Variants in HS3ST3A1 observed in about 807,000 individuals in gnomAD.
The protein encoded by HS3ST3A1 is heparan sulfate glucosamine 3-O-sulfotransferase 3A1.
Under a neutral mutation model 25.7 loss-of-function variants are expected in HS3ST3A1, and 19 were observed. That is an observed-to-expected ratio of 0.74 (90% CI 0.52 to 1.08). HS3ST3A1 has a LOEUF of 1.08. Ranked by LOEUF, HS3ST3A1 falls within the 50% of genes least tolerant of loss-of-function variation. The probability of loss-of-function intolerance (pLI) is 0.00; values close to 1 mark genes in which losing one functional copy is unlikely to be tolerated. For missense variants in HS3ST3A1, 459 were observed against 594.3 expected (o/e 0.77, Z 2.37); for synonymous variants, 226 against 278.6 (o/e 0.81, Z 1.88).
intron 1 of HS3ST3A1, among the ~76,000 whole-genome samples, chr17:13,573,010 G>A (rs1381079862): frequency 2.0e-5 from 3 of 152,170 alleles, no homozygotes; most frequent in Admixed American, 2.0e-4. Flanking sequence ...CTGGAAGAAA[G>A]ATTACAGCCA....
chr17:13,597,358 C>T (rs747987366), intron 1 of HS3ST3A1, among the ~76,000 whole-genome samples: 22 of 152,058 alleles, frequency 1.4e-4, no homozygotes, highest in Non-Finnish European at 2.6e-4. Flanking sequence ...AGCTCGCCTG[C>T]TCTTGAACTA....
chr17:13,574,415 C>A (rs1007724235), intron 1 of HS3ST3A1, among the ~76,000 whole-genome samples: 1 of 151,214 alleles, frequency 6.6e-6, no homozygotes, highest in African/African-American at 2.4e-5. Context: ...CTGCGCCCGG[C>A]CCTATCACTC....
intron 1 of HS3ST3A1, among the ~76,000 whole-genome samples, chr17:13,535,656 G>T (rs1370667321): frequency 8.5e-6 from 1 of 118,222 alleles, no homozygotes; most frequent in Non-Finnish European, 1.7e-5. Context: ...TTAAATGGAT[G>T]TATAAAAAAA....
At chr17:13,511,075 TACC>T (rs1905844961) in intron 1 of HS3ST3A1, among the ~76,000 whole-genome samples, 1 of 152,196 alleles carries the variant, frequency 6.6e-6, no homozygotes, top group African/African-American at 2.4e-5. Context: ...CTGTACCACG[TACC>T]ACTACGAAGA....
intron 1 of HS3ST3A1, among the ~76,000 whole-genome samples, chr17:13,524,819 A>T (rs1567614056): frequency 6.6e-6 from 1 of 152,206 alleles, no homozygotes. Context: ...GTTTCCAAAT[A>T]AAAGTAAAAG....
chr17:13,525,042 T>G (rs1245153753), intron 1 of HS3ST3A1, among the ~76,000 whole-genome samples: 4 of 152,340 alleles, frequency 2.6e-5, no homozygotes, highest in South Asian at 2.1e-4. Flanking sequence ...CAGCTTGCTT[T>G]CTTTTATTTT....
chr17:13,531,526 C>T (rs1377795020), intron 1 of HS3ST3A1, among the ~76,000 whole-genome samples: 1 of 151,994 alleles, frequency 6.6e-6, no homozygotes, highest in African/African-American at 2.4e-5. Context: ...AAAAAATGTT[C>T]ATTCTCCTTC....
intron 1 of HS3ST3A1, among the ~76,000 whole-genome samples, chr17:13,531,544 C>A (rs1345519123): frequency 6.6e-6 from 1 of 151,832 alleles, no homozygotes; most frequent in Non-Finnish European, 1.5e-5. Flanking sequence ...TTCCCCACCC[C>A]CACCCAGTTC....
chr17:13,570,309 C>A (rs1907769665), intron 1 of HS3ST3A1, among the ~76,000 whole-genome samples: 1 of 147,186 alleles, frequency 6.8e-6, no homozygotes. Context: ...TAAGTAACTA[C>A]TACAAAAGTC....
intron 1 of HS3ST3A1, among the ~76,000 whole-genome samples, chr17:13,567,108 T>C (rs1907694606): frequency 6.6e-6 from 1 of 152,224 alleles, no homozygotes; most frequent in South Asian, 2.1e-4. Context: ...AGCTGGTGAC[T>C]TTGAGCTGAA....
chr17:13,596,897 T>C (rs995277635), intron 1 of HS3ST3A1, among the ~76,000 whole-genome samples: 7 of 152,252 alleles, frequency 4.6e-5, no homozygotes, highest in African/African-American at 1.7e-4. Context: ...CTCTGCTCAG[T>C]ATGCCTCTCT....
At chr17:13,539,056 G>A (rs900557251) in intron 1 of HS3ST3A1, among the ~76,000 whole-genome samples, 1 of 152,170 alleles carries the variant, frequency 6.6e-6, no homozygotes, top group Non-Finnish European at 1.5e-5. Context: ...TATCGAGGTG[G>A]CTTCACTCAC....
Position 13,550,300 on chromosome 17 carries a change from C to G in HS3ST3A1, c.599+50231G>C, listed in dbSNP as rs547120333. ...GCCTATTCCCTCTTCTTCCTGAGAA[C>G]ACAGCTACACCTCATTTGCCAACCT... On this transcript the variant is annotated intron_variant, in intron 1 of 1. Coordinates refer to ENST00000284110, the MANE Select transcript of HS3ST3A1 (RefSeq NM_006042.3). Among the ~76,000 whole-genome samples, 39 of 152,294 alleles carry G rather than the reference C, an allele frequency of 2.6e-4. 1 individual carries two copies. In the South Asian group the frequency reaches 7.9e-3, roughly 31 times the overall value.
intron 1 of HS3ST3A1, among the ~76,000 whole-genome samples, chr17:13,515,985 T>C (rs926263681): frequency 6.6e-6 from 1 of 152,208 alleles, no homozygotes; most frequent in African/African-American, 2.4e-5. Context: ...TGGGGCTGTT[T>C]ATTTTCTTAC....
chr17:13,575,725 C>T (rs573937060), intron 1 of HS3ST3A1, among the ~76,000 whole-genome samples: 4 of 152,240 alleles, frequency 2.6e-5, no homozygotes, highest in South Asian at 4.1e-4. Flanking sequence ...GAATGTCTAC[C>T]GAAAGCCCAG....
At chr17:13,551,625 A>AGGGG (rs753574251) in intron 1 of HS3ST3A1, among the ~76,000 whole-genome samples, 2 of 105,556 alleles carry the variant, frequency 1.9e-5, no homozygotes, top group African/African-American at 6.7e-5. Flanking sequence ...GAAAAAAAAA[A>AGGGG]GGGGGGGGGG....
At chr17:13,522,172 G>A (rs1567613369) in intron 1 of HS3ST3A1, among the ~76,000 whole-genome samples, 1 of 151,838 alleles carries the variant, frequency 6.6e-6, no homozygotes, top group Non-Finnish European at 1.5e-5. Context: ...TCGTGAACAT[G>A]TATTTCATAT....
chr17:13,520,357 A>G (rs1028662538), intron 1 of HS3ST3A1, among the ~76,000 whole-genome samples: 2 of 152,226 alleles, frequency 1.3e-5, no homozygotes, highest in Admixed American at 6.5e-5. Flanking sequence ...TCTTAAAGCT[A>G]CAGTATGTTT....
chr17:13,507,434 C>T (rs753674451), intron 1 of HS3ST3A1, among the ~76,000 whole-genome samples: 17 of 152,192 alleles, frequency 1.1e-4, no homozygotes, highest in Non-Finnish European at 1.8e-4. Context: ...ATTCTTTCAA[C>T]CTTCCCAAAC....
Sources: allele counts gnomAD v4.1 joint callset (sites outside exome capture counted in the v4.1 genomes callset), GRCh38; gene constraint gnomAD v4.1.1; transcripts MANE v1.5; gene names NCBI Gene and HGNC (gene_info 2026-07-23, HGNC 2026-07-21).